DNAH8: variants seen among roughly 807,000 people sequenced by gnomAD.
The protein encoded by DNAH8 is dynein axonemal heavy chain 8, also known as axonemal beta dynein heavy chain 8.
DNAH8 carries 382 observed loss-of-function variants against 562.1 expected under a neutral mutation model. That is an observed-to-expected ratio of 0.68 (90% confidence interval 0.63 to 0.74). The LOEUF (loss-of-function observed/expected upper bound fraction) is 0.74. Among genes scored for constraint, DNAH8 ranks in the 30% least tolerant of loss-of-function variants. DNAH8 has a pLI of 0.00. For missense variants in DNAH8, 5,203 were observed against 5,620.4 expected, an observed-to-expected ratio of 0.93 and a Z score of 2.37; for synonymous variants, 1,881 against 1,919.4, an observed-to-expected ratio of 0.98 and a Z score of 0.52.
intron 10 of DNAH8, among the ~76,000 whole-genome samples, chr6:38,757,067 C>G (rs961951527): frequency 1.3e-5 from 2 of 152,136 alleles, no homozygotes; most frequent in African/African-American, 4.8e-5. Flanking sequence ...GATGGTATTT[C>G]TAGTTCTAGA....
At chr6:38,967,146 G>A (rs9380814) in intron 82 of DNAH8, among the ~76,000 whole-genome samples, 36,673 of 151,988 alleles carry the variant, frequency 0.24, 5,525 homozygotes, top group Non-Finnish European at 0.34. Context: ...CCTGATAAAA[G>A]GCACCTACAA....
rs200222672 is a variant in DNAH8 at position 38,986,831 on chromosome 6, GT to G, written c.13053+2528del. Among the ~76,000 whole-genome samples, 612 of 151,752 alleles carry G rather than the reference GT, an allele frequency of 4.0e-3. 6 individuals are homozygous for G. Among genetic ancestry groups the G allele is most frequent in the African/African-American group, 0.014 (588 of 41,272 alleles). ...AGAGGAAGGGCTGCAGCAGGGAAGAGTTTTATTGGCTGGGGCTGGAAATTAA... is the reference window on the plus strand; with the variant it reads ...AGAGGAAGGGCTGCAGCAGGGAAGAGTTTATTGGCTGGGGCTGGAAATTAA... On this transcript the variant is annotated intron_variant, in intron 87 of 92. Coordinates refer to ENST00000327475, the MANE Select transcript of DNAH8 (RefSeq NM_001206927.2).
At chr6:38,832,114 G>A (rs1465554869) in intron 30 of DNAH8, among the ~76,000 whole-genome samples, 3 of 152,168 alleles carry the variant, frequency 2.0e-5, no homozygotes, top group Non-Finnish European at 4.4e-5. Flanking sequence ...CAGTTACAGA[G>A]AAATTGGCTT....
Position 39,012,384 on chromosome 6 carries a change from T to A in DNAH8, c.13524+17T>A, listed in dbSNP as rs751325883. On this transcript the variant is annotated intron_variant, in intron 90 of 92. Transcript: ENST00000327475. ...ATGAGTGAGGTGAGCTGTTATTACA[T>A]CAGTAGGCATTTCCTTCTTTGTTGA... The A allele has an allele frequency of 6.2e-7, 1 of 1,609,072 alleles. No individual in the cohort carries two copies. The highest frequency in any genetic ancestry group is 8.5e-7 in the Non-Finnish European group (1 of 1,176,274).
chr6:38,872,623 A>C lies in DNAH8; in HGVS notation c.7078A>C (p.Lys2360Gln). 1.2e-6 allele frequency: 2 copies of C among 1,614,118 alleles called. No homozygotes were observed. Among genetic ancestry groups the C allele is most frequent in the African/African-American group, 2.7e-5 (2 of 75,046 alleles). Residue 2360 changes from lysine (K) to glutamine (Q), a missense_variant, in exon 50 of 93, where the codon AAG becomes CAG. By Grantham distance (53) the Lys-to-Gln change is moderately conservative. Transcript: ENST00000327475. Reference protein sequence around the residue: ...GKTTVITILMKAQTECGRPHR... With the variant: ...GKTTVITILMQAQTECGRPHR... ...GACAACCGTTATCACGATTCTAATG[A>C]AGGCGCAAACAGAATGCGGAAGGCC...
chr6:38,958,158 C>G (rs890399412), intron 82 of DNAH8, among the ~76,000 whole-genome samples: 1 of 145,618 alleles, frequency 6.9e-6, no homozygotes, highest in Non-Finnish European at 1.5e-5. Context: ...CCAGCCACCA[C>G]GCCTGACTAA....
intron 4 of DNAH8, among the ~76,000 whole-genome samples, 179 bp from the exon 5 acceptor site, chr6:38,734,295 A>C (rs1156309695): frequency 6.7e-6 from 1 of 148,500 alleles, no homozygotes; most frequent in Non-Finnish European, 1.5e-5. Context: ...AAAAAAAAAA[A>C]AAAGATGTAA....
intron 22 of DNAH8, 44 bp downstream of exon 22, chr6:38,803,355 T>C: frequency 6.6e-7 from 1 of 1,521,804 alleles, no homozygotes; most frequent in Non-Finnish European, 9.0e-7. Context: ...GATCTACAGA[T>C]TCGTTCTTAT....
At chr6:38,899,954 A>G in intron 62 of DNAH8, 48 bp downstream of exon 62, 1 of 1,436,098 alleles carries the variant, frequency 7.0e-7, no homozygotes, top group East Asian at 2.5e-5. Flanking sequence ...TAATTTCTCT[A>G]TAGTTAAATG....
At chr6:38,899,493 C>T (rs1230632370) in intron 61 of DNAH8, among the ~76,000 whole-genome samples, 2 of 152,192 alleles carry the variant, frequency 1.3e-5, no homozygotes, top group Non-Finnish European at 2.9e-5. Context: ...ATTCTACATG[C>T]GTGCACACGC....
chr6:38,899,661 G>A (rs753406815), intron 61 of DNAH8, 115 bp from the exon 62 acceptor site: 6 of 1,165,768 alleles, frequency 5.1e-6, no homozygotes, highest in Non-Finnish European at 7.3e-6. Flanking sequence ...CATTAACGAG[G>A]AAAAAGTCTA....
At chr6:38,857,890 TG>T (rs762613229) in intron 42 of DNAH8, 148 bp downstream of exon 42, 22 of 612,226 alleles carry the variant, frequency 3.6e-5, no homozygotes, top group Non-Finnish European at 5.9e-5. Flanking sequence ...ATTGTATTTC[TG>T]TATTGGATGG....
intron 21 of DNAH8, among the ~76,000 whole-genome samples, chr6:38,795,054 C>A (rs1770099296): frequency 6.6e-6 from 1 of 152,180 alleles, no homozygotes; most frequent in Non-Finnish European, 1.5e-5. Flanking sequence ...TTTTAAAAAT[C>A]ATTTCCCACT....
chr6:38,827,312 A>G (rs572678440), intron 29 of DNAH8, among the ~76,000 whole-genome samples: 1 of 152,322 alleles, frequency 6.6e-6, no homozygotes, highest in East Asian at 1.9e-4. Context: ...TAATATGTTC[A>G]CAGACTTTGG....
At chr6:38,870,371 G>A in intron 48 of DNAH8, 30 bp from the exon 49 acceptor site, 1 of 1,602,578 alleles carries the variant, frequency 6.2e-7, no homozygotes, top group Non-Finnish European at 8.5e-7. Context: ...GACTGAATGA[G>A]TAAATTTATT....
chr6:38,723,243 T>C (rs1176776160), intron 2 of DNAH8, 44 bp downstream of exon 2: 2 of 1,578,798 alleles, frequency 1.3e-6, no homozygotes, highest in Admixed American at 3.8e-5. Context: ...CTTTTCCTTA[T>C]CAAATACGAA....
Position 38,775,896 on chromosome 6 carries a change from G to A in DNAH8, c.1907G>A (p.Arg636Lys). The change falls in exon 13 of 93, where the codon AGG (arginine) becomes AAG (lysine). Residue 636 changes from arginine to lysine, a missense_variant. Transcript: ENST00000327475. ...CAATATGACATTCTGGATCCAAGAAGGACAGAATTTGACACAGATTTCTTA... is the reference window on the plus strand; with the variant it reads ...CAATATGACATTCTGGATCCAAGAAAGACAGAATTTGACACAGATTTCTTA... ...KKQYDILDPR[R>K]TEFDTDFLDF... 6.2e-7 allele frequency: 1 copy of A among 1,613,030 alleles called. No individual in the cohort carries two copies. The highest frequency in any genetic ancestry group is 1.3e-5 in the African/African-American group (1 of 74,986).
At chr6:38,884,049 ATATATAT>A in intron 56 of DNAH8, 51 bp downstream of exon 56, 2 of 1,096,184 alleles carry the variant, frequency 1.8e-6, no homozygotes, top group Non-Finnish European at 2.3e-6. Context: ...ATTTTTATGT[ATATATAT>A]TATATATATG....
chr6:38,983,219 T>C (rs1045766208), intron 86 of DNAH8, among the ~76,000 whole-genome samples: 2 of 152,216 alleles, frequency 1.3e-5, no homozygotes, highest in Non-Finnish European at 2.9e-5. Context: ...AATGAGTTAG[T>C]ATTTGTGAAA....
Sources: gnomAD v4.1 joint callset for allele counts (sites outside exome capture counted in the v4.1 genomes callset) on GRCh38, gnomAD v4.1.1 for gene constraint, MANE v1.5 for transcripts, NCBI Gene and HGNC (gene_info 2026-07-23, HGNC 2026-07-21) for gene names.